The following RAB38 variants were observed in gnomAD, a reference collection of about 807,000 sequenced individuals.
The protein encoded by RAB38 is ras-related protein Rab-38.
In RAB38, 15 loss-of-function variants were observed where a neutral mutation model predicts 18.4. That is an observed-to-expected ratio of 0.82 (90% CI 0.55 to 1.26). The LOEUF (loss-of-function observed/expected upper bound fraction) is 1.26, where lower values mean the gene tolerates loss of function less well. Among genes scored for constraint, RAB38 ranks in the 50% most tolerant of loss-of-function variants. The probability of loss-of-function intolerance (pLI) is 0.00; values close to 1 mark genes in which losing one functional copy is unlikely to be tolerated. For synonymous variants in RAB38, 101 were observed against 104.4 expected (o/e 0.97, Z 0.20); for missense variants, 294 against 267.4 (o/e 1.10, Z -0.69).
the RAB38 span, among the ~76,000 whole-genome samples, chr11:87,971,941 T>G: frequency 6.6e-6 from 1 of 151,286 alleles, no homozygotes; most frequent in Admixed American, 6.6e-5. Context: ...TTTTTAAAGC[T>G]ATTTAAAAAG....
chr11:88,143,285 T>C (rs1314912039), intron 2 of RAB38, among the ~76,000 whole-genome samples: 2 of 152,254 alleles, frequency 1.3e-5, no homozygotes, highest in African/African-American at 4.8e-5. Context: ...GCAGAGTGGT[T>C]GGCTAAAGAG....
the RAB38 span, among the ~76,000 whole-genome samples, chr11:87,870,459 A>G: frequency 2.0e-5 from 3 of 151,122 alleles, no homozygotes; most frequent in African/African-American, 4.9e-5. Flanking sequence ...CTTTTTGTCA[A>G]ATAAAAAAAA....
At chr11:87,955,457 TAATATACCCAC>T in the RAB38 span, among the ~76,000 whole-genome samples, 2 of 152,166 alleles carry the variant, frequency 1.3e-5, no homozygotes, top group African/African-American at 4.8e-5. Flanking sequence ...TAGTATCGTG[TAATATACCCAC>T]ATAACGAACC....
chr11:87,831,186 T>A, the RAB38 span, among the ~76,000 whole-genome samples: 1 of 152,114 alleles, frequency 6.6e-6, no homozygotes, highest in Non-Finnish European at 1.5e-5. Context: ...ATCCAGCACA[T>A]CAGACGCCAG....
the RAB38 span, among the ~76,000 whole-genome samples, chr11:88,039,674 G>A: frequency 2.6e-5 from 4 of 152,206 alleles, no homozygotes; most frequent in Non-Finnish European, 5.9e-5. Flanking sequence ...GAGCCTGACT[G>A]GCGAGGTAGG....
the RAB38 span, among the ~76,000 whole-genome samples, chr11:87,905,853 C>T: frequency 1.3e-5 from 2 of 151,962 alleles, no homozygotes; most frequent in South Asian, 4.1e-4. Context: ...CTCTTGTACT[C>T]TGACTGCAAA....
chr11:88,150,005 A>C (rs1287102232), intron 1 of RAB38, 50 bp from the exon 2 acceptor site: 1 of 1,551,362 alleles, frequency 6.4e-7, no homozygotes, highest in Non-Finnish European at 8.7e-7. Flanking sequence ...TTGCAAACTG[A>C]ATCATATTAT....
At chr11:87,810,827 C>T in the RAB38 span, among the ~76,000 whole-genome samples, 34 of 151,672 alleles carry the variant, frequency 2.2e-4, no homozygotes, top group Admixed American at 5.3e-4. Context: ...ACCTTTTTAC[C>T]GGTGGATACA....
chr11:87,935,886 A>G, the RAB38 span, among the ~76,000 whole-genome samples: 2 of 152,068 alleles, frequency 1.3e-5, no homozygotes, highest in Non-Finnish European at 2.9e-5. Context: ...AGTGGTTTTA[A>G]TTTACACTTT....
the RAB38 span, among the ~76,000 whole-genome samples, chr11:87,893,390 A>ATATATATATATATATATAT: frequency 0.011 from 997 of 93,878 alleles, 13 homozygotes; most frequent in Non-Finnish European, 0.015. Flanking sequence ...ATATATATAT[A>ATATATATATATATATATAT]TTTTTTTTTT....
the RAB38 span, among the ~76,000 whole-genome samples, chr11:87,953,137 G>A: frequency 6.6e-5 from 10 of 152,166 alleles, no homozygotes; most frequent in Admixed American, 5.9e-4. Context: ...GACCACCTAT[G>A]TGTTAGACAT....
the RAB38 span, among the ~76,000 whole-genome samples, chr11:87,813,407 G>A: frequency 6.6e-6 from 1 of 152,012 alleles, no homozygotes; most frequent in African/African-American, 2.4e-5. Context: ...AACCAAGACA[G>A]GGAAAGTAGA....
At chr11:88,142,324 G>A (rs1348087638) in intron 2 of RAB38, among the ~76,000 whole-genome samples, 1 of 152,182 alleles carries the variant, frequency 6.6e-6, no homozygotes, top group Non-Finnish European at 1.5e-5. Flanking sequence ...CTTCATTATT[G>A]TAGGAATTAG....
intron 2 of RAB38, among the ~76,000 whole-genome samples, chr11:88,136,166 C>T (rs16913143): frequency 2.0e-5 from 3 of 152,088 alleles, no homozygotes; most frequent in Non-Finnish European, 4.4e-5. Flanking sequence ...TGAGCACTCC[C>T]GTAGCATGTT....
chr11:88,052,609 A>G, the RAB38 span, among the ~76,000 whole-genome samples: 1 of 151,920 alleles, frequency 6.6e-6, no homozygotes, highest in Admixed American at 6.6e-5. Context: ...AATGTGAAGA[A>G]AAAAGTATCT....
the RAB38 span, among the ~76,000 whole-genome samples, chr11:87,805,961 C>T: frequency 1.3e-5 from 2 of 152,064 alleles, no homozygotes; most frequent in Non-Finnish European, 2.9e-5. Context: ...TTACTTCACT[C>T]AAAGTCTACT....
chr11:87,948,955 G>A, the RAB38 span, among the ~76,000 whole-genome samples: 4 of 152,116 alleles, frequency 2.6e-5, no homozygotes, highest in African/African-American at 9.7e-5. Flanking sequence ...AATAGTCTCA[G>A]AAGGAATGGT....
the RAB38 span, among the ~76,000 whole-genome samples, chr11:87,835,635 T>G: frequency 0.13 from 19,026 of 152,048 alleles, 1,387 homozygotes; most frequent in East Asian, 0.39. Context: ...GAAATAAAAT[T>G]TTGTCATAGT....
chr11:87,885,581 G>C, the RAB38 span, among the ~76,000 whole-genome samples: 1 of 151,948 alleles, frequency 6.6e-6, no homozygotes, highest in Non-Finnish European at 1.5e-5. Flanking sequence ...GTAAAATTCA[G>C]GGCTATAAGT....
Sources: gnomAD v4.1 joint callset for allele counts (sites outside exome capture counted in the v4.1 genomes callset) on GRCh38, gnomAD v4.1.1 for gene constraint, MANE v1.5 for transcripts, NCBI Gene and HGNC (gene_info 2026-07-23, HGNC 2026-07-21) for gene names.